The following HTR2C variants were observed in gnomAD, a reference collection of about 807,000 sequenced individuals.
The protein encoded by HTR2C is 5-hydroxytryptamine receptor 2C.
In HTR2C, 5 loss-of-function variants were observed where a neutral mutation model predicts 21.0. That is an observed-to-expected ratio of 0.24 (90% CI 0.12 to 0.50). The LOEUF is 0.50. HTR2C is among the 20% of genes least tolerant of loss of function. The pLI is 0.98. For synonymous variants in HTR2C, 150 were observed against 145.3 expected (o/e 1.03, Z -0.23); for missense variants, 271 against 371.2 (o/e 0.73, Z 2.22).
intron 5 of HTR2C, among the ~76,000 whole-genome samples, chrX:114,899,587 A>G (rs1228522484): frequency 9.2e-6 from 1 of 108,189 alleles, no homozygotes; most frequent in African/African-American, 3.6e-5. Context: ...CCACGGTCGC[A>G]CAAGCACTCA....
Position 114,647,357 on chromosome X carries a change from AATT to A in HTR2C, c.-80+33483_-80+33485del, listed in dbSNP as rs782361293. On this transcript the variant is annotated intron_variant, in intron 2 of 5. Transcript: ENST00000276198. ...CACATTGTATCCCATAAATGCATAC[AATT>A]ATTATTTGTCAATTAAAAATAAAAC... is the stretch of plus-strand genomic sequence containing the variant. Among the ~76,000 whole-genome samples the A allele has an allele frequency of 4.5e-5, 5 of 112,267 alleles. No individual in the cohort carries two copies. The East Asian group carries it at 1.4e-3, about 31-fold the overall frequency.
At chrX:114,809,294 C>T (rs1049460914) in intron 4 of HTR2C, among the ~76,000 whole-genome samples, 2 of 109,405 alleles carry the variant, frequency 1.8e-5, no homozygotes, top group Non-Finnish European at 1.9e-5. Context: ...ATGCACGTGA[C>T]GAGTACTGCC....
intron 4 of HTR2C, among the ~76,000 whole-genome samples, chrX:114,771,198 A>T (rs2069999758): frequency 9.1e-6 from 1 of 110,272 alleles, no homozygotes; most frequent in Non-Finnish European, 1.9e-5. Context: ...ATCTACTCCA[A>T]CCTCTAGTGT....
rs1288426163 is a variant in HTR2C, at chrX:114,906,451, G to A, written c.551-138G>A. On this transcript the variant is annotated intron_variant, in intron 5 of 5. Transcript: ENST00000276198. ...ACTGCTAGTGTTTCATGTGACTATC[G>A]ATTATGCCGTGAATAGCTTTCAACA... 2.0e-5 allele frequency: 9 copies of A among 455,172 alleles called. No homozygotes were observed. The Admixed American group carries it at 3.8e-4, about 19-fold the overall frequency. The allele number at this position is 455,172 out of a possible 1,213,427, so 37.5% of individuals were successfully genotyped here. A position where few individuals can be genotyped will look rare whatever the true frequency, so the allele number is the denominator to read the frequency against.
intron 4 of HTR2C, among the ~76,000 whole-genome samples, chrX:114,836,918 A>G (rs1556464237): frequency 8.9e-6 from 1 of 111,985 alleles, no homozygotes; most frequent in African/African-American, 3.2e-5. Flanking sequence ...TAAGTCCTGA[A>G]CATTTTTACT....
At chrX:114,864,154 A>G (rs1381248261) in intron 5 of HTR2C, among the ~76,000 whole-genome samples, 1 of 109,700 alleles carries the variant, frequency 9.1e-6, no homozygotes, top group Admixed American at 9.8e-5. Flanking sequence ...ACAGATAAGG[A>G]CTTGCTACTG....
At chrX:114,888,277 G>A (rs781803901) in intron 5 of HTR2C, among the ~76,000 whole-genome samples, 21 of 111,617 alleles carry the variant, frequency 1.9e-4, no homozygotes, top group African/African-American at 5.9e-4. Context: ...GGGCTAGGCC[G>A]TAGCCATAGG....
chrX:114,834,259 T>C (rs1241900713), intron 4 of HTR2C, among the ~76,000 whole-genome samples: 1 of 109,467 alleles, frequency 9.1e-6, no homozygotes, highest in African/African-American at 3.3e-5. Flanking sequence ...GTATCCTTGT[T>C]GACTTTCTGT....
In HTR2C at chrX:114,749,370, C is replaced by T. The variant is rs1335187891; in HGVS notation, c.349+17763C>T. Among the ~76,000 whole-genome samples, 3 of 99,346 alleles carry T rather than the reference C, an allele frequency of 3.0e-5. No homozygotes were observed. The East Asian group carries it at 1.0e-3, about 34-fold the overall frequency. 86.3% of individuals were successfully genotyped at this position (99,346 alleles called of 115,157 possible). A position where few individuals can be genotyped will look rare whatever the true frequency, so the allele number is the denominator to read the frequency against. On this transcript the variant is annotated intron_variant, in intron 4 of 5. Coordinates refer to ENST00000276198, the MANE Select transcript of HTR2C (RefSeq NM_000868.4). ...GCTGAGGTGGGAGGATGGCTTGAGT[C>T]CAGAGCCCAGGAAGTTGAGGATGCA...
At chrX:114,687,756 C>T (rs782739670) in intron 2 of HTR2C, among the ~76,000 whole-genome samples, 3 of 111,521 alleles carry the variant, frequency 2.7e-5, no homozygotes, top group East Asian at 2.8e-4. Flanking sequence ...TCTTAACCAA[C>T]GGTCTCTTAA....
At chrX:114,607,968 C>T (rs1311713512) in intron 1 of HTR2C, among the ~76,000 whole-genome samples, 1 of 111,262 alleles carries the variant, frequency 9.0e-6, no homozygotes, top group Non-Finnish European at 1.9e-5. Context: ...ACCTGGGCAA[C>T]AGAAAGAAAC....
intron 4 of HTR2C, among the ~76,000 whole-genome samples, chrX:114,787,699 G>A (rs781960249): frequency 2.3e-3 from 256 of 111,729 alleles, no homozygotes; most frequent in African/African-American, 7.4e-3. Context: ...TGTAATCCCA[G>A]CACTGTGGGA....
At chrX:114,761,990 C>CACATATG (rs782126342) in intron 4 of HTR2C, among the ~76,000 whole-genome samples, 1 of 9,911 alleles carries the variant, frequency 1.0e-4, no homozygotes, top group Non-Finnish European at 2.0e-4. Context: ...TGTATATATA[C>CACATATG]TATATATACA....
chrX:114,624,119 C>T (rs956985748), intron 2 of HTR2C, among the ~76,000 whole-genome samples: 1 of 108,809 alleles, frequency 9.2e-6, no homozygotes, highest in African/African-American at 3.3e-5. Context: ...TGGTCTTGAA[C>T]TCCTGGACTC....
chrX:114,632,129 T>A (rs1188080507), intron 2 of HTR2C, among the ~76,000 whole-genome samples: 1 of 112,466 alleles, frequency 8.9e-6, no homozygotes, highest in Admixed American at 9.5e-5. Context: ...TGTCATAGTT[T>A]TAGCACTGTA....
At chrX:114,731,778 A>G (rs782552855) in intron 4 of HTR2C, among the ~76,000 whole-genome samples, 171 bp downstream of exon 4, 1 of 111,971 alleles carries the variant, frequency 8.9e-6, no homozygotes, top group East Asian at 2.8e-4. Context: ...CAAATCAGTA[A>G]CAGTCTTCCA....
intron 4 of HTR2C, among the ~76,000 whole-genome samples, chrX:114,839,045 AAATGATGAAC>A (rs1176960213): frequency 8.9e-6 from 1 of 112,418 alleles, no homozygotes; most frequent in Non-Finnish European, 1.9e-5. Context: ...AGTTATAGGA[AAATGATGAAC>A]AATAATGAAC....
At chrX:114,695,837 G>T (rs1484719713) in intron 2 of HTR2C, among the ~76,000 whole-genome samples, 1 of 111,317 alleles carries the variant, frequency 9.0e-6, no homozygotes, top group African/African-American at 3.3e-5. Context: ...AGTTATTATG[G>T]GGTCATTTAT....
chrX:114,818,908 GTATT>G, intron 4 of HTR2C, among the ~76,000 whole-genome samples: 1 of 111,736 alleles, frequency 8.9e-6, no homozygotes, highest in South Asian at 3.7e-4. Context: ...TTTTATGTGT[GTATT>G]TATTTATTTA....
Sources: allele counts gnomAD v4.1 joint callset (sites outside exome capture counted in the v4.1 genomes callset), GRCh38; gene constraint gnomAD v4.1.1; transcripts MANE v1.5; gene names NCBI Gene and HGNC (gene_info 2026-07-23, HGNC 2026-07-21).